Variants in UTRN observed in about 807,000 individuals in gnomAD.
The protein encoded by UTRN is dystrophin-related protein 1.
In UTRN, 283 loss-of-function variants were observed where a neutral mutation model predicts 463.9. The observed-to-expected ratio is 0.61, with a 90% CI of 0.55 to 0.67. The LOEUF is 0.67. UTRN is among the 30% of genes least tolerant of loss of function. The pLI, the probability that UTRN is intolerant of heterozygous loss-of-function variation, is 0.00. For synonymous variants in UTRN, 1,442 were observed against 1,431.5 expected, an observed-to-expected ratio of 1.01 and a Z score of -0.17; for missense variants, 3,922 against 4,084.3, an observed-to-expected ratio of 0.96 and a Z score of 1.08.
chr6:144,523,284 T>C, intron 41 of UTRN, 96 bp downstream of exon 41: 1 of 993,558 alleles, frequency 1.0e-6, no homozygotes. Flanking sequence ...AATGAGAACA[T>C]GTTTCATATC....
At chr6:144,633,375 A>G (rs964387679) in intron 51 of UTRN, among the ~76,000 whole-genome samples, 1 of 152,024 alleles carries the variant, frequency 6.6e-6, no homozygotes, top group African/African-American at 2.4e-5. Context: ...GACTACAGGC[A>G]CCTGCAACCA....
intron 60 of UTRN, among the ~76,000 whole-genome samples, chr6:144,775,592 A>G (rs1364974718): frequency 6.6e-6 from 1 of 152,200 alleles, no homozygotes; most frequent in Non-Finnish European, 1.5e-5. Context: ...CACAAAAGGG[A>G]TGTTTGGTCT....
intron 51 of UTRN, among the ~76,000 whole-genome samples, chr6:144,675,320 T>C (rs1196638034): frequency 1.3e-5 from 2 of 152,154 alleles, no homozygotes; most frequent in Non-Finnish European, 2.9e-5. Context: ...TCCTCAGGTC[T>C]CCCAGCCATG....
At chr6:144,561,424 A>T (rs190680158) in intron 50 of UTRN, among the ~76,000 whole-genome samples, 9 of 151,708 alleles carry the variant, frequency 5.9e-5, no homozygotes, top group Admixed American at 1.3e-4. Flanking sequence ...ATGCACACTC[A>T]TGTATATACA....
At position 144,573,532 on chromosome 6, in the gene UTRN, A is replaced by T. The variant is rs547852661; in HGVS notation, c.7290-3567A>T. On this transcript the variant is annotated intron_variant, in intron 50 of 74. Coordinates refer to ENST00000367545, the MANE Select transcript of UTRN (RefSeq NM_007124.3). ...AACATGGTGAAATCCTGTCTCTATT[A>T]AAAAAATACAAAAATTAGCCAGGTG... Among the ~76,000 whole-genome samples, 3 of 151,974 alleles carry T rather than the reference A, an allele frequency of 2.0e-5. No individual in the cohort carries two copies. In the East Asian group the frequency reaches 5.8e-4, roughly 29 times the overall value.
At chr6:144,331,120 T>A in intron 2 of UTRN, 1 of 757,404 alleles carries the variant, frequency 1.3e-6, no homozygotes, top group Non-Finnish European at 1.6e-6. Context: ...TGAAAATTAC[T>A]GAGTTAACAG....
intron 33 of UTRN, among the ~76,000 whole-genome samples, chr6:144,495,104 C>A (rs1223919781): frequency 6.6e-6 from 1 of 152,244 alleles, no homozygotes; most frequent in South Asian, 2.1e-4. Flanking sequence ...ATCCCGCACC[C>A]GGGCTGCAGG....
chr6:144,359,991 C>T (rs1050508887), intron 2 of UTRN, among the ~76,000 whole-genome samples: 5 of 151,626 alleles, frequency 3.3e-5, no homozygotes, highest in Non-Finnish European at 5.9e-5. Flanking sequence ...AAATGATTGC[C>T]TCTGGTTTCA....
intron 68 of UTRN, 70 bp downstream of exon 68, chr6:144,827,746 T>C (rs1780315790): frequency 6.7e-7 from 1 of 1,485,006 alleles, no homozygotes; most frequent in East Asian, 2.3e-5. Context: ...ATTAATCTAA[T>C]ATCATTAATA....
At chr6:144,845,194 A>G (rs542224464) in intron 73 of UTRN, among the ~76,000 whole-genome samples, 32 of 152,300 alleles carry the variant, frequency 2.1e-4, no homozygotes, top group African/African-American at 7.7e-4. Context: ...ACTTCCTGGC[A>G]AGGAGTTAAG....
intron 73 of UTRN, among the ~76,000 whole-genome samples, chr6:144,844,303 C>T (rs1401128146): frequency 6.6e-6 from 1 of 150,530 alleles, no homozygotes; most frequent in Non-Finnish European, 1.5e-5. Flanking sequence ...GAGACTCACT[C>T]TGTTGCCCAG....
At chr6:144,640,516 T>G (rs1407829702) in intron 51 of UTRN, among the ~76,000 whole-genome samples, 7 of 152,174 alleles carry the variant, frequency 4.6e-5, no homozygotes, top group Non-Finnish European at 1.0e-4. Flanking sequence ...TTAGAGTTTA[T>G]TGAGAAATTG....
chr6:144,419,866 A>T (rs7773788), intron 3 of UTRN, among the ~76,000 whole-genome samples: 54,652 of 151,800 alleles, frequency 0.36, 11,405 homozygotes, highest in African/African-American at 0.56. Flanking sequence ...AAAGAGTATC[A>T]CTTCCACTGA....
At chr6:144,741,267 G>A (rs113137153) in intron 54 of UTRN, among the ~76,000 whole-genome samples, 2 of 152,280 alleles carry the variant, frequency 1.3e-5, no homozygotes, top group South Asian at 2.1e-4. Flanking sequence ...TCTGTAGCTC[G>A]ATCAATCACT....
intron 74 of UTRN, among the ~76,000 whole-genome samples, chr6:144,849,721 A>T (rs1782325480): frequency 6.6e-6 from 1 of 152,178 alleles, no homozygotes; most frequent in South Asian, 2.1e-4. Context: ...TTAAATTTTT[A>T]GAATTCTGAC....
chr6:144,548,931 G>A, intron 47 of UTRN, 77 bp downstream of exon 47: 1 of 1,440,600 alleles, frequency 6.9e-7, no homozygotes, highest in South Asian at 1.3e-5. Flanking sequence ...AATCCCTTTT[G>A]TTTATCCTAA....
chr6:144,467,835 T>A (rs1419118152), intron 23 of UTRN, among the ~76,000 whole-genome samples: 1 of 152,172 alleles, frequency 6.6e-6, no homozygotes, highest in East Asian at 1.9e-4. Flanking sequence ...TATTCATATA[T>A]TCCCTTCCTT....
At chr6:144,570,453 A>G (rs1800834073) in intron 50 of UTRN, among the ~76,000 whole-genome samples, 1 of 152,170 alleles carries the variant, frequency 6.6e-6, no homozygotes, top group Admixed American at 6.6e-5. Flanking sequence ...GATGATGAAG[A>G]CAATCCTTGC....
At chr6:144,850,404 T>A (rs573146686) in intron 74 of UTRN, among the ~76,000 whole-genome samples, 24 of 152,326 alleles carry the variant, frequency 1.6e-4, no homozygotes, top group Admixed American at 4.6e-4. Context: ...ACTTTTTTTT[T>A]ATTTTTTTCT....
Sources: allele counts gnomAD v4.1 joint callset (sites outside exome capture counted in the v4.1 genomes callset), GRCh38; gene constraint gnomAD v4.1.1; transcripts MANE v1.5; gene names NCBI Gene and HGNC (gene_info 2026-07-23, HGNC 2026-07-21).